Variants in FAM24B observed in about 807,000 individuals in gnomAD.
FAM24B encodes family with sequence similarity 24 member B.
FAM24B carries 3 observed loss-of-function variants against 2.3 expected under a neutral mutation model. The ratio of observed to expected loss-of-function variants is 1.29; its 90% CI spans 0.59 to 3.32. The LOEUF is 3.32. Among genes scored for constraint, FAM24B ranks in the 30% most tolerant of loss-of-function variants. The pLI, the probability that FAM24B is intolerant of heterozygous loss-of-function variation, is 0.03. For synonymous variants in FAM24B, 36 were observed against 46.3 expected, an observed-to-expected ratio of 0.78 and a Z score of 0.90; for missense variants, 98 against 117.2, an observed-to-expected ratio of 0.84 and a Z score of 0.76.
At chr10:122,857,372 C>G (rs906548001) in intron 1 of FAM24B, among the ~76,000 whole-genome samples, 7 of 152,174 alleles carry the variant, frequency 4.6e-5, no homozygotes, top group Non-Finnish European at 8.8e-5. Flanking sequence ...CATGAGGTTA[C>G]TATGTTCCAC....
At chr10:122,871,657 G>T (rs1357018386) in intron 1 of FAM24B, among the ~76,000 whole-genome samples, 1 of 152,090 alleles carries the variant, frequency 6.6e-6, no homozygotes, top group Non-Finnish European at 1.5e-5. Context: ...TCTGATCTTT[G>T]ACAAACCTGA....
chr10:122,875,072 C>T (rs1847956797), intron 1 of FAM24B, among the ~76,000 whole-genome samples: 1 of 152,168 alleles, frequency 6.6e-6, no homozygotes, highest in Non-Finnish European at 1.5e-5. Flanking sequence ...TCTGGTATTA[C>T]CATTATACAT....
intron 2 of FAM24B, among the ~76,000 whole-genome samples, chr10:122,851,095 G>A (rs1490197752): frequency 6.6e-6 from 1 of 152,108 alleles, no homozygotes; most frequent in African/African-American, 2.4e-5. Flanking sequence ...TCTGACAACT[G>A]GCATTTTTCC....
At chr10:122,874,570 A>G (rs1847949134) in intron 1 of FAM24B, among the ~76,000 whole-genome samples, 1 of 151,890 alleles carries the variant, frequency 6.6e-6, no homozygotes, top group Non-Finnish European at 1.5e-5. Flanking sequence ...TAAATATTTC[A>G]CTCCAGTCCC....
At chr10:122,858,555 T>TAA (rs545508678) in intron 1 of FAM24B, among the ~76,000 whole-genome samples, 1 of 147,062 alleles carries the variant, frequency 6.8e-6, no homozygotes, top group Non-Finnish European at 1.5e-5. Flanking sequence ...AGTGTAATAA[T>TAA]AAAAAAAAAA....
chr10:122,872,276 T>C (rs1847908743), intron 1 of FAM24B, among the ~76,000 whole-genome samples: 1 of 152,064 alleles, frequency 6.6e-6, no homozygotes, highest in African/African-American at 2.4e-5. Flanking sequence ...CAGTAAAAAG[T>C]CAGGAAACAA....
chr10:122,869,804 T>C (rs1847862600), intron 1 of FAM24B, among the ~76,000 whole-genome samples: 1 of 152,092 alleles, frequency 6.6e-6, no homozygotes. Context: ...GGGAAATTTA[T>C]AGCACTAAAT....
At position 122,849,926 on chromosome 10, in the gene FAM24B, G is replaced by T. The variant is rs908502888; in HGVS notation, c.93-487C>A. Among the ~76,000 whole-genome samples, 10 of 152,074 alleles carry T rather than the reference G, an allele frequency of 6.6e-5. No homozygotes were observed. The East Asian group carries it at 1.7e-3, about 26-fold the overall frequency. Reference sequence around the variant, plus strand: ...GGTTCAGCTGTCCCTGAGATCTAGAGCCCCAGTCATTTTCCCCAAGGCCTC... The same window carrying T: ...GGTTCAGCTGTCCCTGAGATCTAGATCCCCAGTCATTTTCCCCAAGGCCTC... On this transcript the variant is annotated intron_variant, in intron 3 of 3. Coordinates refer to ENST00000368898, the MANE Select transcript of FAM24B (RefSeq NM_152644.3).
chr10:122,874,980 C>T (rs1468998654), intron 1 of FAM24B, among the ~76,000 whole-genome samples: 2 of 152,142 alleles, frequency 1.3e-5, no homozygotes, highest in East Asian at 1.9e-4. Flanking sequence ...GCTCTAAGAA[C>T]GGGTTTGGTG....
chr10:122,850,012 G>T (rs1185021926), intron 3 of FAM24B, among the ~76,000 whole-genome samples: 1 of 152,086 alleles, frequency 6.6e-6, no homozygotes, highest in Non-Finnish European at 1.5e-5. Flanking sequence ...GATCAATCCA[G>T]CCCGTCCTCC....
At chr10:122,873,247 TG>T (rs1330848494) in intron 1 of FAM24B, among the ~76,000 whole-genome samples, 4 of 152,198 alleles carry the variant, frequency 2.6e-5, no homozygotes, top group African/African-American at 9.7e-5. Context: ...ACTTTGTTGC[TG>T]GGGACTAATA....
chr10:122,867,136 C>A (rs1348293798), intron 1 of FAM24B, among the ~76,000 whole-genome samples: 1 of 152,214 alleles, frequency 6.6e-6, no homozygotes, highest in Non-Finnish European at 1.5e-5. Context: ...TTCCCTCAAG[C>A]CAAAACCTAA....
chr10:122,851,508 A>G (rs1176939532), intron 2 of FAM24B, among the ~76,000 whole-genome samples: 1 of 152,236 alleles, frequency 6.6e-6, no homozygotes, highest in Non-Finnish European at 1.5e-5. Flanking sequence ...GCTCTCTTTC[A>G]TGGAGTTCTG....
intron 1 of FAM24B, among the ~76,000 whole-genome samples, chr10:122,874,330 C>T (rs1847945279): frequency 6.6e-6 from 1 of 152,050 alleles, no homozygotes; most frequent in Non-Finnish European, 1.5e-5. Context: ...TTTTATTTTG[C>T]CTTCATTTAT....
chr10:122,865,187 TTTTG>T (rs1847783852), intron 1 of FAM24B, among the ~76,000 whole-genome samples: 1 of 152,088 alleles, frequency 6.6e-6, no homozygotes. Context: ...GATTGTCAGG[TTTTG>T]TTTTTTTATT....
chr10:122,875,499 C>T (rs1847963221), intron 1 of FAM24B, among the ~76,000 whole-genome samples: 1 of 152,180 alleles, frequency 6.6e-6, no homozygotes, highest in Admixed American at 6.5e-5. Flanking sequence ...GAAAGCCAGA[C>T]ATAATATATC....
At chr10:122,876,289 C>T (rs575048022) in intron 1 of FAM24B, among the ~76,000 whole-genome samples, 1 of 152,312 alleles carries the variant, frequency 6.6e-6, no homozygotes, top group African/African-American at 2.4e-5. Context: ...CCACTAACAA[C>T]GGGAAGGCTA....
chr10:122,873,118 T>C (rs1172308197), intron 1 of FAM24B, among the ~76,000 whole-genome samples: 1 of 152,100 alleles, frequency 6.6e-6, no homozygotes, highest in Non-Finnish European at 1.5e-5. Flanking sequence ...CATTTAACAA[T>C]GGATTTTCAG....
chr10:122,861,674 T>C (rs923630545), intron 1 of FAM24B, among the ~76,000 whole-genome samples: 5 of 152,224 alleles, frequency 3.3e-5, no homozygotes, highest in African/African-American at 9.6e-5. Context: ...GATTTATACC[T>C]AAATGCTTCT....
Sources: allele counts gnomAD v4.1 joint callset (sites outside exome capture counted in the v4.1 genomes callset), GRCh38; gene constraint gnomAD v4.1.1; transcripts MANE v1.5; gene names NCBI Gene and HGNC (gene_info 2026-07-23, HGNC 2026-07-21).